The following SH3RF3 variants were observed in gnomAD, a reference collection of about 807,000 sequenced individuals.
The protein encoded by SH3RF3 is E3 ubiquitin-protein ligase SH3RF3.
Under a neutral mutation model 66.3 loss-of-function variants are expected in SH3RF3, and 29 were observed. The ratio of observed to expected loss-of-function variants is 0.44; its 90% confidence interval spans 0.33 to 0.60. The LOEUF is 0.60. SH3RF3 is among the 20% of genes least tolerant of loss of function. SH3RF3 has a pLI of 0.04. For synonymous variants in SH3RF3, 583 were observed against 532.0 expected (o/e 1.10, Z -1.32); for missense variants, 1,194 against 1,190.9 (o/e 1.00, Z -0.04).
chr2:109,314,766 G>T (rs768445219), intron 1 of SH3RF3, among the ~76,000 whole-genome samples: 2 of 152,128 alleles, frequency 1.3e-5, no homozygotes, highest in Non-Finnish European at 2.9e-5. Context: ...AAATTATTTT[G>T]CCATTTTGGT....
At position 109,432,657 on chromosome 2, in the gene SH3RF3, G is replaced by A; in HGVS notation, c.1560G>A (p.Val520=). The A allele has an allele frequency of 6.2e-7, 1 of 1,612,348 alleles. No individual in the cohort carries two copies. Among genetic ancestry groups the A allele is most frequent in the South Asian group, 1.1e-5 (1 of 90,576 alleles). Reference sequence around the variant, plus strand: ...CTGGGGTGTTCCCCGGAAACTACGTGACACCCGTTTCCAGGTGAGGGCATG... The same window carrying A: ...CTGGGGTGTTCCCCGGAAACTACGTAACACCCGTTTCCAGGTGAGGGCATG... ...GVSGVFPGNY[V]TPVSRVPAGG... is the part of the protein sequence containing the mutation. The change falls in exon 6 of 10, where the codon GTG becomes GTA. Residue 520 remains valine (V), a synonymous_variant. Transcript: ENST00000309415.
chr2:109,500,747 A>G (rs139388969), intron 9 of SH3RF3, among the ~76,000 whole-genome samples: 4 of 152,276 alleles, frequency 2.6e-5, no homozygotes, highest in African/African-American at 9.6e-5. Flanking sequence ...TCAGGAGTTC[A>G]AGACCAGCCT....
intron 1 of SH3RF3, among the ~76,000 whole-genome samples, chr2:109,209,067 G>A (rs1239432013): frequency 1.3e-5 from 2 of 152,174 alleles, no homozygotes; most frequent in Admixed American, 1.3e-4. Flanking sequence ...CCAACTTTCC[G>A]TGGCAGCCAG....
At chr2:109,250,477 T>G (rs1049532600) in intron 1 of SH3RF3, among the ~76,000 whole-genome samples, 1 of 151,866 alleles carries the variant, frequency 6.6e-6, no homozygotes, top group Non-Finnish European at 1.5e-5. Flanking sequence ...GGTTTAAATA[T>G]TTATTATTAT....
chr2:109,341,200 A>T (rs1040835981), intron 1 of SH3RF3, among the ~76,000 whole-genome samples: 1 of 152,254 alleles, frequency 6.6e-6, no homozygotes, highest in Non-Finnish European at 1.5e-5. Flanking sequence ...GCAGCTTTGA[A>T]TGAGAAAAAG....
intron 1 of SH3RF3, among the ~76,000 whole-genome samples, chr2:109,344,915 ACAT>A (rs1682650266): frequency 6.6e-6 from 1 of 152,112 alleles, no homozygotes; most frequent in Non-Finnish European, 1.5e-5. Flanking sequence ...ATCAGAGGGG[ACAT>A]CACAGGCACA....
intron 6 of SH3RF3, among the ~76,000 whole-genome samples, chr2:109,435,383 G>A (rs963286556): frequency 1.3e-5 from 2 of 152,228 alleles, no homozygotes; most frequent in Non-Finnish European, 2.9e-5. Context: ...ACAGCAGAAG[G>A]CTTATCTGGC....
chr2:109,421,161 G>A (rs140733614), intron 5 of SH3RF3, among the ~76,000 whole-genome samples: 49 of 152,338 alleles, frequency 3.2e-4, no homozygotes, highest in African/African-American at 1.1e-3. Flanking sequence ...TTGGATGCAG[G>A]ATGCTATCTG....
intron 8 of SH3RF3, among the ~76,000 whole-genome samples, chr2:109,463,299 T>C (rs1678254062): frequency 6.6e-6 from 1 of 152,260 alleles, no homozygotes; most frequent in African/African-American, 2.4e-5. Context: ...GCTGTCTGTT[T>C]TGGTAACTTG....
chr2:109,264,038 G>T (rs1056241937), intron 1 of SH3RF3, among the ~76,000 whole-genome samples: 1 of 152,212 alleles, frequency 6.6e-6, no homozygotes, highest in South Asian at 2.1e-4. Context: ...GCCCTACATG[G>T]TTTGCAAAAC....
intron 8 of SH3RF3, among the ~76,000 whole-genome samples, chr2:109,461,936 C>G (rs1678216760): frequency 1.3e-5 from 2 of 152,110 alleles, no homozygotes; most frequent in African/African-American, 2.4e-5. Flanking sequence ...CCCCACTCAC[C>G]TTTTTAACTC....
chr2:109,331,359 C>CTCTCCCCTT (rs1682281378), intron 1 of SH3RF3, among the ~76,000 whole-genome samples: 1 of 151,844 alleles, frequency 6.6e-6, no homozygotes, highest in African/African-American at 2.4e-5. Context: ...CTGCCTCCCT[C>CTCTCCCCTT]CTCTCCCCTT....
chr2:109,489,782 G>A (rs1679081260), intron 8 of SH3RF3, among the ~76,000 whole-genome samples: 1 of 152,016 alleles, frequency 6.6e-6, no homozygotes, highest in Admixed American at 6.5e-5. Flanking sequence ...CTGTCACCCA[G>A]GCTGGAGTGC....
At chr2:109,149,756 GAGTA>G (rs1014404967) in intron 1 of SH3RF3, among the ~76,000 whole-genome samples, 1 of 152,216 alleles carries the variant, frequency 6.6e-6, no homozygotes, top group Non-Finnish European at 1.5e-5. Context: ...AAGACGTTGT[GAGTA>G]AGTGACAATT....
chr2:109,258,166 C>T (rs569569463), intron 1 of SH3RF3, among the ~76,000 whole-genome samples: 4 of 152,288 alleles, frequency 2.6e-5, no homozygotes, highest in Admixed American at 6.5e-5. Context: ...ACCCCATCAA[C>T]GAGGCTTACG....
chr2:109,473,068 C>T (rs910483576), intron 8 of SH3RF3, among the ~76,000 whole-genome samples: 8 of 152,238 alleles, frequency 5.3e-5, no homozygotes, highest in Non-Finnish European at 1.0e-4. Context: ...TGCAGCCTTT[C>T]AGATGCGAGT....
At chr2:109,249,684 GTCA>G (rs1680037307) in intron 1 of SH3RF3, among the ~76,000 whole-genome samples, 1 of 143,670 alleles carries the variant, frequency 7.0e-6, no homozygotes, top group African/African-American at 2.7e-5. Context: ...GTCTTGCTGT[GTCA>G]TCAAGGCTGG....
intron 1 of SH3RF3, among the ~76,000 whole-genome samples, chr2:109,210,531 G>C (rs1216831159): frequency 1.3e-5 from 2 of 152,178 alleles, no homozygotes; most frequent in African/African-American, 4.8e-5. Flanking sequence ...ACAATGAGAT[G>C]GGACATCTGG....
intron 3 of SH3RF3, among the ~76,000 whole-genome samples, chr2:109,384,954 C>T (rs2104391596): frequency 6.6e-6 from 1 of 152,336 alleles, no homozygotes; most frequent in Non-Finnish European, 1.5e-5. Context: ...CAGTGGGGCC[C>T]ATTGCTCTTA....
Sources: gnomAD v4.1 joint callset for allele counts (sites outside exome capture counted in the v4.1 genomes callset) on GRCh38, gnomAD v4.1.1 for gene constraint, MANE v1.5 for transcripts, NCBI Gene and HGNC (gene_info 2026-07-23, HGNC 2026-07-21) for gene names.